The following BTC variants were observed in gnomAD, a reference collection of about 807,000 sequenced individuals.
BTC encodes probetacellulin.
BTC carries 13 observed loss-of-function variants against 18.1 expected under a neutral mutation model. The observed-to-expected ratio is 0.72, with a 90% CI of 0.47 to 1.14. The LOEUF is 1.14. Ranked by LOEUF, BTC falls within the 50% of genes most tolerant of loss-of-function variation. The probability of loss-of-function intolerance (pLI) is 0.00; values close to 1 mark genes in which losing one functional copy is unlikely to be tolerated. For synonymous variants in BTC, 83 were observed against 79.4 expected (o/e 1.05, Z -0.24); for missense variants, 247 against 224.2 (o/e 1.10, Z -0.65).
intron 1 of BTC, among the ~76,000 whole-genome samples, chr4:74,783,934 T>A (rs1376117813): frequency 6.6e-6 from 1 of 152,014 alleles, no homozygotes; most frequent in Non-Finnish European, 1.5e-5. Flanking sequence ...TGTTGGTGTA[T>A]AAGAATGCTA....
In BTC at chr4:74,745,877, T is replaced by C. The variant is rs1183412708; in HGVS notation, c.*800A>G. On this transcript the variant is annotated 3_prime_UTR_variant, in exon 6 of 6. Coordinates refer to ENST00000395743, the MANE Select transcript of BTC (RefSeq NM_001729.4). ...GGCCAATCTATTTGCTTTAATAATG[T>C]AAAAATGTAGTCACATCATTGAGAA... 7 of 152,290 alleles carry C rather than the reference T, an allele frequency of 4.6e-5. No homozygotes were observed. The highest frequency in any genetic ancestry group is 1.7e-4 in the African/African-American group (7 of 41,552). The allele number at this position is 152,290 out of a possible 1,614,324, so 9.4% of individuals were successfully genotyped here.
intron 2 of BTC, among the ~76,000 whole-genome samples, chr4:74,767,551 T>C (rs919761435): frequency 1.3e-5 from 2 of 152,082 alleles, no homozygotes; most frequent in African/African-American, 4.8e-5. Context: ...TGACTTTTTT[T>C]TTTACAGAAA....
At position 74,749,687 on chromosome 4, in the gene BTC, TGTTGTTG is replaced by T. The variant is rs1336840837; in HGVS notation, c.428+879_428+885del. 5.1e-4 allele frequency among the ~76,000 whole-genome samples: 60 copies of T among 118,174 alleles called. 1 individual carries two copies. The highest frequency in any genetic ancestry group is 6.5e-4 in the Non-Finnish European group (37 of 57,152). 77.5% of individuals were successfully genotyped at this position (118,174 alleles called of 152,430 possible). On this transcript the variant is annotated intron_variant, in intron 4 of 5. Coordinates refer to ENST00000395743, the MANE Select transcript of BTC (RefSeq NM_001729.4). The stretch of plus-strand genomic sequence containing the variant: ...ACCACTTTAATAAGATAGTTTTTTT[TGTTGTTG>T]TTGTTGTTGTTGTTGTTTTTGGTAG...
chr4:74,794,480 G>A lies in BTC; in HGVS notation c.-155C>T. On this transcript the variant is annotated 5_prime_UTR_variant, in exon 1 of 6. Transcript: ENST00000395743. ...TCCCAGGCTGGCACCCTGGCTACAA[G>A]GCAGGGAAACACCCAGGGCGGGAGG... 1 of 878,832 alleles carries A rather than the reference G, an allele frequency of 1.1e-6. No homozygotes were observed. Among genetic ancestry groups the A allele is most frequent in the East Asian group, 3.0e-5 (1 of 33,834 alleles). 54.4% of individuals were successfully genotyped at this position (878,832 alleles called of 1,614,324 possible). A position where few individuals can be genotyped will look rare whatever the true frequency, so the allele number is the denominator to read the frequency against.
At chr4:74,755,812 C>T (rs782754439) in intron 3 of BTC, 47 bp downstream of exon 3, 2 of 1,545,522 alleles carry the variant, frequency 1.3e-6, no homozygotes, top group Non-Finnish European at 8.9e-7. Flanking sequence ...CCCAGGCGGG[C>T]ACCATTCTGC....
At chr4:74,769,269 C>T (rs889004217) in intron 2 of BTC, among the ~76,000 whole-genome samples, 3 of 151,994 alleles carry the variant, frequency 2.0e-5, no homozygotes, top group African/African-American at 7.3e-5. Flanking sequence ...TGTAGAAGAC[C>T]AGAACATACA....
chr4:74,754,129 T>C (rs1178382419), intron 3 of BTC, among the ~76,000 whole-genome samples: 3 of 152,236 alleles, frequency 2.0e-5, no homozygotes, highest in South Asian at 2.1e-4. Context: ...ATCTGTGCCC[T>C]GTCTGCTATG....
intron 1 of BTC, among the ~76,000 whole-genome samples, chr4:74,785,423 A>G (rs944495291): frequency 6.6e-6 from 1 of 152,040 alleles, no homozygotes; most frequent in Non-Finnish European, 1.5e-5. Flanking sequence ...TGTCTCCTTC[A>G]GCTCAGCTCT....
intron 1 of BTC, among the ~76,000 whole-genome samples, chr4:74,793,409 G>T (rs61604859): frequency 9.3e-4 from 142 of 152,188 alleles, no homozygotes; most frequent in African/African-American, 3.3e-3. Flanking sequence ...AGGTAGGAGT[G>T]ATATCGTGGT....
intron 3 of BTC, among the ~76,000 whole-genome samples, chr4:74,754,522 T>G (rs567863787): frequency 1.6e-4 from 24 of 152,256 alleles, no homozygotes; most frequent in South Asian, 1.4e-3. Context: ...CACAAGGAGA[T>G]GATGAGTGCA....
chr4:74,788,572 T>A (rs1725542444), intron 1 of BTC, among the ~76,000 whole-genome samples: 1 of 152,174 alleles, frequency 6.6e-6, no homozygotes, highest in South Asian at 2.1e-4. Flanking sequence ...TTTAATACAG[T>A]TTTAGACACA....
Position 74,783,910 on chromosome 4 carries a change from C to T in BTC, c.64+10352G>A, listed in dbSNP as rs186079299. 1.9e-3 allele frequency among the ~76,000 whole-genome samples: 286 copies of T among 151,984 alleles called. 1 individual carries two copies. The highest frequency in any genetic ancestry group is 3.5e-3 in the Non-Finnish European group (236 of 67,980). On this transcript the variant is annotated intron_variant, in intron 1 of 5. Transcript: ENST00000395743. ...ATGGGAGTTCATTCCTGATTTGGCT[C>T]TTGGCTTGACTGTTGTTGGTGTATA...
At chr4:74,780,694 C>T (rs1195096615) in intron 1 of BTC, among the ~76,000 whole-genome samples, 1 of 151,992 alleles carries the variant, frequency 6.6e-6, no homozygotes, top group Admixed American at 6.6e-5. Context: ...ATGAAATATG[C>T]AATGTCTTTA....
intron 1 of BTC, among the ~76,000 whole-genome samples, chr4:74,788,334 C>G (rs1442382203): frequency 6.6e-6 from 1 of 151,986 alleles, no homozygotes; most frequent in Non-Finnish European, 1.5e-5. Flanking sequence ...CCATTTTTTC[C>G]TTCACCACTA....
At chr4:74,750,458 A>G in intron 4 of BTC, 115 bp downstream of exon 4, 1 of 1,113,458 alleles carries the variant, frequency 9.0e-7, no homozygotes. Context: ...CAAAAAGTAA[A>G]TTTATTTGAA....
chr4:74,776,386 C>A (rs184657192), intron 1 of BTC, among the ~76,000 whole-genome samples: 9 of 152,190 alleles, frequency 5.9e-5, no homozygotes, highest in Non-Finnish European at 1.0e-4. Context: ...ACTGCATTTG[C>A]TAAGTGACTA....
chr4:74,759,692 C>T (rs1724700925), intron 2 of BTC, among the ~76,000 whole-genome samples: 2 of 150,636 alleles, frequency 1.3e-5, no homozygotes, highest in East Asian at 1.9e-4. Context: ...GGTTACTGCA[C>T]GTCAGTGGAT....
chr4:74,786,651 C>T (rs1725485179), intron 1 of BTC, among the ~76,000 whole-genome samples: 1 of 152,194 alleles, frequency 6.6e-6, no homozygotes, highest in African/African-American at 2.4e-5. Context: ...TGACATCTCA[C>T]AGAATTCAAG....
chr4:74,785,292 G>C (rs1280986409), intron 1 of BTC, among the ~76,000 whole-genome samples: 1 of 152,104 alleles, frequency 6.6e-6, no homozygotes, highest in Admixed American at 6.5e-5. Flanking sequence ...ATTTCTGATT[G>C]TGTTTATTTG....
Sources: allele counts gnomAD v4.1 joint callset (sites outside exome capture counted in the v4.1 genomes callset), GRCh38; gene constraint gnomAD v4.1.1; transcripts MANE v1.5; gene names NCBI Gene and HGNC (gene_info 2026-07-23, HGNC 2026-07-21).